Variants in MICAL3 observed in about 807,000 individuals in gnomAD.
MICAL3 encodes [F-actin]-monooxygenase MICAL3.
MICAL3 carries 62 observed loss-of-function variants against 207.4 expected under a neutral mutation model. The observed-to-expected ratio is 0.30, with a 90% CI of 0.24 to 0.37. The LOEUF (loss-of-function observed/expected upper bound fraction) is 0.37, where lower values mean the gene tolerates loss of function less well. MICAL3 is among the 10% of genes least tolerant of loss of function. The pLI is 1.00. For synonymous variants in MICAL3, 1,077 were observed against 1,069.3 expected, an observed-to-expected ratio of 1.01 and a Z score of -0.14; for missense variants, 2,368 against 2,635.6, an observed-to-expected ratio of 0.90 and a Z score of 2.22.
intron 1 of MICAL3, among the ~76,000 whole-genome samples, chr22:17,927,047 C>T (rs1932956666): frequency 6.6e-6 from 1 of 152,178 alleles, no homozygotes; most frequent in African/African-American, 2.4e-5. Context: ...ACTTTTTTGT[C>T]ATCCGCAACA....
chr22:17,945,221 T>G (rs1172800522), intron 1 of MICAL3, among the ~76,000 whole-genome samples: 1 of 151,976 alleles, frequency 6.6e-6, no homozygotes, highest in Non-Finnish European at 1.5e-5. Context: ...AAGCCCCCAA[T>G]CCCCATATTT....
intron 1 of MICAL3, among the ~76,000 whole-genome samples, chr22:17,986,519 CA>C (rs908196445): frequency 2.7e-4 from 39 of 143,168 alleles, no homozygotes; most frequent in South Asian, 2.2e-4. Flanking sequence ...GAATCTGTCT[CA>C]AAAAAAAAAA....
In MICAL3 at chr22:17,841,495, G is replaced by A. The variant is rs899389445; in HGVS notation, c.2801+327C>T. The A allele has an allele frequency of 9.9e-6, 5 of 504,666 alleles. No individual in the cohort carries two copies. The highest frequency in any genetic ancestry group is 7.6e-5 in the African/African-American group (4 of 52,898). The allele number at this position is 504,666 out of a possible 1,614,324, so 31.3% of individuals were successfully genotyped here. A position where few individuals can be genotyped will look rare whatever the true frequency, so the allele number is the denominator to read the frequency against. ...GCTGAATCACCCAGAGTCCCTCCCC[G>A]TGTGCCCGTCCTTCCCTCTGCTGAA... On this transcript the variant is annotated intron_variant, in intron 20 of 31. Transcript: ENST00000441493. This position sits in a 1 kb window ranked among gnomAD's most constrained non-coding sequence, Gnocchi z 4.2.
intron 10 of MICAL3, 64 bp downstream of exon 10, chr22:17,895,220 A>C (rs1930727196): frequency 6.4e-7 from 1 of 1,556,238 alleles, no homozygotes; most frequent in Admixed American, 1.7e-5. Context: ...GCATCTCAAC[A>C]GATCAGAATT....
At chr22:18,023,931 T>G (rs409310) in intron 1 of MICAL3, among the ~76,000 whole-genome samples, 139,785 of 152,208 alleles carry the variant, frequency 0.92, 64,383 homozygotes, top group East Asian at 1. Context: ...GGTGCCTGGG[T>G]ACGCTCTTCC....
intron 1 of MICAL3, among the ~76,000 whole-genome samples, chr22:18,009,263 C>T (rs1923585399): frequency 1.4e-5 from 2 of 145,706 alleles, no homozygotes; most frequent in Non-Finnish European, 3.0e-5. Flanking sequence ...CTCTGGGAAA[C>T]ACGGCAAATT....
At chr22:17,803,991 G>A (rs115228455) in intron 29 of MICAL3, 307 of 279,542 alleles carry the variant, frequency 1.1e-3, no homozygotes, top group African/African-American at 6.8e-3. Context: ...ACAGCGAGGC[G>A]GCAGAGGAAC....
chr22:17,996,465 A>G (rs1003779665), intron 1 of MICAL3, among the ~76,000 whole-genome samples: 17 of 151,704 alleles, frequency 1.1e-4, no homozygotes, highest in African/African-American at 4.1e-4. Context: ...AAAAAATGCA[A>G]TCAACTGCAA....
rs571402327 is a variant in MICAL3 at position 17,994,884 on chromosome 22, A to G, written c.-75+29397T>C. Among the ~76,000 whole-genome samples, 3 of 152,130 alleles carry G rather than the reference A, an allele frequency of 2.0e-5. No homozygotes were observed. In the East Asian group the frequency reaches 5.8e-4, roughly 29 times the overall value. On this transcript the variant is annotated intron_variant, in intron 1 of 31. Coordinates refer to ENST00000441493, the MANE Select transcript of MICAL3 (RefSeq NM_015241.3). ...CTCCTGCCAGAGTTAACCAGACCGA[A>G]TCTCCTGCCAGAGTTAACCAGACTG...
chr22:17,890,935 G>A (rs1359937360), intron 12 of MICAL3, among the ~76,000 whole-genome samples: 6 of 152,222 alleles, frequency 3.9e-5, no homozygotes, highest in Non-Finnish European at 8.8e-5. Context: ...CACTGGGATA[G>A]GTGGGTAGGA....
At chr22:18,006,411 T>C (rs1429387250) in intron 1 of MICAL3, 1 of 152,136 alleles carries the variant, frequency 6.6e-6, no homozygotes, top group Admixed American at 6.6e-5. Context: ...ATGGGCAGTG[T>C]CCTGCGGAGG....
chr22:17,944,130 A>T (rs889753075), intron 1 of MICAL3, among the ~76,000 whole-genome samples: 8 of 152,166 alleles, frequency 5.3e-5, no homozygotes, highest in Non-Finnish European at 8.8e-5. Context: ...GTGTGTTTTC[A>T]AACAGGGTTC....
intron 16 of MICAL3, among the ~76,000 whole-genome samples, chr22:17,885,023 A>G (rs1929749596): frequency 1.3e-5 from 2 of 152,286 alleles, no homozygotes; most frequent in South Asian, 4.2e-4. Flanking sequence ...ATTGAGATTT[A>G]TGAGACACTT....
chr22:17,889,729 C>A (rs1930236403), intron 12 of MICAL3, among the ~76,000 whole-genome samples: 1 of 152,192 alleles, frequency 6.6e-6, no homozygotes, highest in African/African-American at 2.4e-5. Context: ...ATCACTTGAG[C>A]CCGCAAGTTC....
intron 1 of MICAL3, among the ~76,000 whole-genome samples, chr22:17,975,592 C>G (rs929635640): frequency 6.6e-6 from 1 of 152,042 alleles, no homozygotes; most frequent in African/African-American, 2.4e-5. Context: ...TTCATTTACC[C>G]CAATTTAGAA....
At position 17,820,748 on chromosome 22, in the gene MICAL3, CTTTAA is replaced by C. The variant is rs765649518; in HGVS notation, c.3531+674_3531+678del. Among the ~76,000 whole-genome samples, 121 of 151,156 alleles carry C rather than the reference CTTTAA, an allele frequency of 8.0e-4. 1 individual carries two copies. Among genetic ancestry groups the C allele is most frequent in the African/African-American group, 5.3e-4 (22 of 41,192 alleles). ...ACCAACCATCCCATCGATATTATTGCTTTAATTTAAACAAATTTATTTTTAATAAA... is the reference window on the plus strand; with the variant it reads ...ACCAACCATCCCATCGATATTATTGCTTTAAACAAATTTATTTTTAATAAA... On this transcript the variant is annotated intron_variant, in intron 25 of 31. Coordinates refer to ENST00000441493, the MANE Select transcript of MICAL3 (RefSeq NM_015241.3).
intron 29 of MICAL3, among the ~76,000 whole-genome samples, chr22:17,795,857 G>A (rs1473447962): frequency 6.8e-5 from 10 of 147,740 alleles, no homozygotes; most frequent in African/African-American, 2.3e-4. Context: ...ATCCAACAAG[G>A]GGAGTTCCAC....
At chr22:17,969,594 A>AT (rs1935311136) in intron 1 of MICAL3, among the ~76,000 whole-genome samples, 1 of 152,012 alleles carries the variant, frequency 6.6e-6, no homozygotes, top group Admixed American at 6.5e-5. Flanking sequence ...CTTAGAAATG[A>AT]TTTAAGGCAA....
chr22:17,989,515 G>A (rs913996922), intron 1 of MICAL3, among the ~76,000 whole-genome samples: 12 of 151,794 alleles, frequency 7.9e-5, no homozygotes. Flanking sequence ...ACCCCAGCCT[G>A]GCCAGGCTGG....
Sources: allele counts gnomAD v4.1 joint callset (sites outside exome capture counted in the v4.1 genomes callset), GRCh38; gene constraint gnomAD v4.1.1; non-coding constraint Gnocchi (gnomAD v3.1); transcripts MANE v1.5; gene names NCBI Gene and HGNC (gene_info 2026-07-23, HGNC 2026-07-21).